The following ACACA variants were observed in gnomAD, a reference collection of about 807,000 sequenced individuals.
ACACA encodes the protein acetyl-CoA carboxylase 1.
In ACACA, 103 loss-of-function variants were observed where a neutral mutation model predicts 296.1. The ratio of observed to expected loss-of-function variants is 0.35; its 90% CI spans 0.30 to 0.41. The LOEUF is 0.41. Among genes scored for constraint, ACACA ranks in the 10% least tolerant of loss-of-function variants. The pLI is 1.00. For missense variants in ACACA, 1,554 were observed against 2,989.7 expected (o/e 0.52, Z 11.20); for synonymous variants, 953 against 1,038.6 (o/e 0.92, Z 1.58).
Position 37,172,328 on chromosome 17 carries a change from T to A in ACACA, c.5079+6932A>T, listed in dbSNP as rs114422175. Among the ~76,000 whole-genome samples, 1,482 of 152,246 alleles carry A rather than the reference T, an allele frequency of 9.7e-3. 22 individuals are homozygous for A. Among genetic ancestry groups the A allele is most frequent in the African/African-American group, 0.034 (1,410 of 41,532 alleles). On this transcript the variant is annotated intron_variant, in intron 41 of 55. Transcript: ENST00000616317. ...TGCTATCAAAAAAATGAGTAAAAAC[T>A]ACTCAACCTGATGAGAAATCTCCAA...
chr17:37,288,648 A>G (rs1483602775), intron 3 of ACACA, among the ~76,000 whole-genome samples: 1 of 152,204 alleles, frequency 6.6e-6, no homozygotes, highest in Non-Finnish European at 1.5e-5. Flanking sequence ...GTGTAAACCC[A>G]GCACTCTGGG....
intron 30 of ACACA, 135 bp downstream of exon 30, chr17:37,210,332 C>G: frequency 1.3e-6 from 1 of 779,114 alleles, no homozygotes; most frequent in Admixed American, 2.2e-5. Flanking sequence ...TTTAGTATGT[C>G]CAAAGGGGAG....
intron 3 of ACACA, among the ~76,000 whole-genome samples, chr17:37,286,180 G>A (rs567464784): frequency 1.3e-5 from 2 of 152,170 alleles, no homozygotes; most frequent in East Asian, 1.9e-4. Context: ...ATGAGCCACC[G>A]CGCCTGGCTG....
chr17:37,166,731 T>C (rs1449795540), intron 41 of ACACA, among the ~76,000 whole-genome samples: 1 of 152,188 alleles, frequency 6.6e-6, no homozygotes, highest in African/African-American at 2.4e-5. Context: ...CTTAACCTTT[T>C]ACAGTTTCAC....
chr17:37,313,684 A>T (rs910642331), intron 3 of ACACA, among the ~76,000 whole-genome samples: 1 of 152,224 alleles, frequency 6.6e-6, no homozygotes, highest in African/African-American at 2.4e-5. Flanking sequence ...AAATGCTAAG[A>T]GGATGTGGAG....
intron 6 of ACACA, 79 bp downstream of exon 6, chr17:37,277,817 G>T: frequency 1.8e-6 from 2 of 1,117,116 alleles, no homozygotes; most frequent in Non-Finnish European, 2.7e-6. Context: ...TTACAAAAAT[G>T]TTCTTCTCTA....
intron 33 of ACACA, among the ~76,000 whole-genome samples, chr17:37,203,358 T>C (rs1043775930): frequency 1.3e-5 from 2 of 152,146 alleles, no homozygotes; most frequent in Non-Finnish European, 2.9e-5. Context: ...GGAAAAATAC[T>C]CAAACATGGG....
chr17:37,155,821 G>A, intron 42 of ACACA, 41 bp from the exon 43 acceptor site: 1 of 1,332,744 alleles, frequency 7.5e-7, no homozygotes, highest in East Asian at 2.3e-5. Flanking sequence ...ATTTGCCATT[G>A]TCATATAATC....
chr17:37,390,277 T>TA (rs2050777327), intron 1 of ACACA, among the ~76,000 whole-genome samples: 1 of 63,918 alleles, frequency 1.6e-5, no homozygotes, highest in Non-Finnish European at 2.6e-5. Flanking sequence ...ATATAATATA[T>TA]TATATATAAT....
intron 1 of ACACA, among the ~76,000 whole-genome samples, chr17:37,343,001 G>A (rs926559679): frequency 2.6e-5 from 4 of 151,870 alleles, no homozygotes; most frequent in African/African-American, 4.8e-5. Flanking sequence ...TTATTGAGAC[G>A]GAGTCTCAAT....
intron 47 of ACACA, among the ~76,000 whole-genome samples, chr17:37,128,252 C>T (rs576950896): frequency 2.0e-5 from 3 of 151,972 alleles, no homozygotes; most frequent in Admixed American, 2.0e-4. Context: ...TATATAATAG[C>T]TATGTGACCT....
At chr17:37,343,183 G>T (rs1597655490) in intron 1 of ACACA, among the ~76,000 whole-genome samples, 1 of 151,878 alleles carries the variant, frequency 6.6e-6, no homozygotes, top group East Asian at 2.0e-4. Flanking sequence ...TCACCATGTT[G>T]GCCAGGCTGG....
intron 4 of ACACA, 57 bp from the exon 5 acceptor site, chr17:37,283,462 A>C (rs1435236700): frequency 3.1e-6 from 5 of 1,588,588 alleles, no homozygotes; most frequent in Non-Finnish European, 3.5e-6. Flanking sequence ...GCAACAATGG[A>C]GGAAAAGAGA....
chr17:37,285,924 C>T (rs1273261485), intron 3 of ACACA, among the ~76,000 whole-genome samples: 1 of 152,122 alleles, frequency 6.6e-6, no homozygotes, highest in Non-Finnish European at 1.5e-5. Flanking sequence ...CAGAGTCTCA[C>T]TCTGTCGCCC....
At chr17:37,389,210 C>T (rs1243291657) in intron 1 of ACACA, 1 of 1,548,456 alleles carries the variant, frequency 6.5e-7, no homozygotes, top group South Asian at 1.2e-5. Flanking sequence ...GCTTACCAGC[C>T]ACTTCATATT....
chr17:37,119,573 G>A, intron 50 of ACACA, among the ~76,000 whole-genome samples: 1 of 135,386 alleles, frequency 7.4e-6, no homozygotes, highest in Admixed American at 7.6e-5. Context: ...ACAGGCAAAG[G>A]TAAACTTTTC....
intron 1 of ACACA, among the ~76,000 whole-genome samples, chr17:37,381,708 A>G (rs2050274089): frequency 6.7e-6 from 1 of 149,802 alleles, no homozygotes; most frequent in South Asian, 2.1e-4. Flanking sequence ...GCTCACTGCA[A>G]GCTCCGCCTC....
chr17:37,375,712 T>C (rs2049975400), intron 1 of ACACA, among the ~76,000 whole-genome samples: 1 of 152,216 alleles, frequency 6.6e-6, no homozygotes, highest in South Asian at 2.1e-4. Context: ...TGAAAGTATA[T>C]AAATCTCTGT....
chr17:37,390,215 T>A (rs1195592112), intron 1 of ACACA, among the ~76,000 whole-genome samples: 5 of 68,854 alleles, frequency 7.3e-5, no homozygotes, highest in Non-Finnish European at 1.2e-4. Context: ...AATTATATAT[T>A]TATTATATAT....
Sources: gnomAD v4.1 joint callset for allele counts (sites outside exome capture counted in the v4.1 genomes callset) on GRCh38, gnomAD v4.1.1 for gene constraint, MANE v1.5 for transcripts, NCBI Gene and HGNC (gene_info 2026-07-23, HGNC 2026-07-21) for gene names.